The following AP3B1 variants were observed in gnomAD, a reference collection of about 807,000 sequenced individuals.
AP3B1 encodes AP-3 complex subunit beta-1.
A neutral mutation model predicts 132.5 loss-of-function variants in AP3B1; 61 were observed. The ratio of observed to expected loss-of-function variants is 0.46; its 90% CI spans 0.37 to 0.57. AP3B1 has a LOEUF of 0.57. Among genes scored for constraint, AP3B1 ranks in the 20% least tolerant of loss-of-function variants. AP3B1 has a pLI of 0.00. For synonymous variants in AP3B1, 388 were observed against 438.3 expected (o/e 0.89, Z 1.43); for missense variants, 1,120 against 1,289.4 (o/e 0.87, Z 2.01).
chr5:78,059,505 T>C (rs1054272230), intron 22 of AP3B1, among the ~76,000 whole-genome samples: 3 of 152,340 alleles, frequency 2.0e-5, no homozygotes, highest in African/African-American at 4.8e-5. Flanking sequence ...GTATAGTTTG[T>C]ATGCATGCAA....
chr5:78,230,495 C>T (rs527453107), intron 3 of AP3B1, among the ~76,000 whole-genome samples: 87 of 152,310 alleles, frequency 5.7e-4, no homozygotes, highest in South Asian at 1.0e-3. Flanking sequence ...AATGGCTCCA[C>T]AAAACCTTAA....
At chr5:78,282,818 C>A (rs934847260) in intron 1 of AP3B1, among the ~76,000 whole-genome samples, 2 of 147,900 alleles carry the variant, frequency 1.4e-5, no homozygotes, top group African/African-American at 5.0e-5. Flanking sequence ...TCAAGACCAG[C>A]GTGGACAACA....
At chr5:78,181,700 C>T (rs374292391) in intron 7 of AP3B1, 38 bp from the exon 8 acceptor site, 2 of 1,589,378 alleles carry the variant, frequency 1.3e-6, no homozygotes, top group Non-Finnish European at 1.7e-6. Context: ...TTACTTTAGA[C>T]CTTGAGCAAT....
chr5:78,090,885 T>C (rs911206438), intron 21 of AP3B1, among the ~76,000 whole-genome samples: 1 of 152,124 alleles, frequency 6.6e-6, no homozygotes, highest in Admixed American at 6.6e-5. Flanking sequence ...AATCCCTTCC[T>C]GGGCCCAAGC....
intron 15 of AP3B1, among the ~76,000 whole-genome samples, chr5:78,134,929 G>A (rs1752848327): frequency 1.3e-5 from 2 of 152,056 alleles, no homozygotes; most frequent in South Asian, 4.1e-4. Context: ...CTACCTTTTT[G>A]TCAACTTGAA....
intron 11 of AP3B1, among the ~76,000 whole-genome samples, chr5:78,166,857 CAA>C (rs760217675): frequency 1.9e-4 from 29 of 152,078 alleles, no homozygotes; most frequent in Non-Finnish European, 3.7e-4. Flanking sequence ...CAAGATGGAT[CAA>C]AGACTTAAAT....
intron 2 of AP3B1, among the ~76,000 whole-genome samples, chr5:78,253,792 C>G (rs895499343): frequency 4.0e-5 from 6 of 151,628 alleles, no homozygotes; most frequent in African/African-American, 1.5e-4. Context: ...CAGTGAAACC[C>G]CATCTCTACT....
intron 3 of AP3B1, among the ~76,000 whole-genome samples, chr5:78,232,035 T>C (rs1391499557): frequency 6.6e-6 from 1 of 152,218 alleles, no homozygotes; most frequent in Non-Finnish European, 1.5e-5. Context: ...ACTTTCACTC[T>C]TTACATCCTT....
At chr5:78,289,529 G>A (rs1296743458) in intron 1 of AP3B1, among the ~76,000 whole-genome samples, 1 of 152,184 alleles carries the variant, frequency 6.6e-6, no homozygotes, top group African/African-American at 2.4e-5. Flanking sequence ...AACGTGTGCA[G>A]GAGGTACTGC....
At chr5:78,000,698 C>T (rs773952561), downstream of AP3B1, 2 of 151,844 alleles carry the variant, frequency 1.3e-5, no homozygotes, top group Non-Finnish European at 2.9e-5. Flanking sequence ...ATAAAATGTC[C>T]CATTAAGTGA....
At chr5:78,051,959 T>A (rs1476758254) in intron 22 of AP3B1, among the ~76,000 whole-genome samples, 1 of 151,924 alleles carries the variant, frequency 6.6e-6, no homozygotes, top group Non-Finnish European at 1.5e-5. Context: ...GGGTCTTGAT[T>A]TTACCTTCAA....
chr5:78,204,174 T>C (rs544588921), intron 7 of AP3B1, among the ~76,000 whole-genome samples: 4 of 152,286 alleles, frequency 2.6e-5, no homozygotes, highest in African/African-American at 2.4e-5. Context: ...ACTAGACATT[T>C]TGAATATTAT....
chr5:78,219,752 T>C (rs568928882), intron 6 of AP3B1, among the ~76,000 whole-genome samples: 20 of 152,216 alleles, frequency 1.3e-4, no homozygotes, highest in African/African-American at 3.6e-4. Flanking sequence ...TGGAACTAAT[T>C]TTCTTTGAGA....
chr5:78,285,130 T>C (rs1478021568), intron 1 of AP3B1, among the ~76,000 whole-genome samples: 2 of 141,716 alleles, frequency 1.4e-5, no homozygotes, highest in Non-Finnish European at 3.2e-5. Context: ...GCGCCTGTAG[T>C]CCCAGCTACT....
At chr5:78,069,175 A>G (rs534593249) in intron 22 of AP3B1, among the ~76,000 whole-genome samples, 2 of 152,364 alleles carry the variant, frequency 1.3e-5, no homozygotes, top group African/African-American at 4.8e-5. Context: ...AAAAGCTGGA[A>G]GCATTCCCAT....
intron 22 of AP3B1, among the ~76,000 whole-genome samples, chr5:78,086,530 G>A (rs140485874): frequency 5.9e-5 from 9 of 152,244 alleles, no homozygotes; most frequent in African/African-American, 1.4e-4. Flanking sequence ...AACACAGGTG[G>A]TCTGAATCAA....
intron 1 of AP3B1, among the ~76,000 whole-genome samples, chr5:78,279,024 A>C (rs1748922521): frequency 6.6e-6 from 1 of 152,162 alleles, no homozygotes. Context: ...AAAGATTAAA[A>C]TGGTATCATA....
At chr5:78,162,468 G>A (rs1465867702) in intron 13 of AP3B1, among the ~76,000 whole-genome samples, 1 of 152,090 alleles carries the variant, frequency 6.6e-6, no homozygotes, top group Non-Finnish European at 1.5e-5. Flanking sequence ...AGCACCCTCT[G>A]CAGGTGAACC....
intron 1 of AP3B1, among the ~76,000 whole-genome samples, chr5:78,276,076 T>C (rs1748761720): frequency 1.3e-5 from 2 of 152,020 alleles, no homozygotes; most frequent in Non-Finnish European, 2.9e-5. Context: ...ATGGTAATTT[T>C]TTTTTTTGAG....
Sources: allele counts gnomAD v4.1 joint callset (sites outside exome capture counted in the v4.1 genomes callset), GRCh38; gene constraint gnomAD v4.1.1; transcripts MANE v1.5; gene names NCBI Gene and HGNC (gene_info 2026-07-23, HGNC 2026-07-21).